The following NIPSNAP2 variants were observed in gnomAD, a reference collection of about 807,000 sequenced individuals.
The protein encoded by NIPSNAP2 is nipsnap homolog 2.
In NIPSNAP2, 42 loss-of-function variants were observed where a neutral mutation model predicts 48.4. That is an observed-to-expected ratio of 0.87 (90% CI 0.68 to 1.12). NIPSNAP2 has a LOEUF of 1.12. Among genes scored for constraint, NIPSNAP2 ranks in the 50% most tolerant of loss-of-function variants. NIPSNAP2 has a pLI of 0.00. For synonymous variants in NIPSNAP2, 158 were observed against 126.6 expected (o/e 1.25, Z -1.67); for missense variants, 314 against 347.3 (o/e 0.90, Z 0.76).
intron 4 of NIPSNAP2, 81 bp downstream of exon 4, chr7:55,981,648 G>T (rs1440538403): frequency 1.2e-6 from 1 of 865,422 alleles, no homozygotes; most frequent in Non-Finnish European, 1.9e-6. Flanking sequence ...TTTAATGCTT[G>T]TTCTTATCAT....
intron 7 of NIPSNAP2, among the ~76,000 whole-genome samples, chr7:55,988,957 T>A (rs1481936862): frequency 1.3e-5 from 2 of 152,206 alleles, no homozygotes; most frequent in African/African-American, 4.8e-5. Flanking sequence ...CTTATATATA[T>A]GTGTATAAGT....
chr7:55,971,108 A>AC (rs1240126667), intron 1 of NIPSNAP2, among the ~76,000 whole-genome samples: 1 of 152,074 alleles, frequency 6.6e-6, no homozygotes, highest in Non-Finnish European at 1.5e-5. Context: ...AGTGCCCCCT[A>AC]CCATCTTGGC....
At chr7:55,965,414 T>C (rs1456552746) in intron 1 of NIPSNAP2, among the ~76,000 whole-genome samples, 2 of 152,286 alleles carry the variant, frequency 1.3e-5, no homozygotes, top group East Asian at 3.9e-4. Flanking sequence ...TTGCATGTGC[T>C]GTTTTCCACA....
In NIPSNAP2 at chr7:55,969,840, G is replaced by A. The variant is rs1786980101; in HGVS notation, c.92+5139G>A. The stretch of plus-strand genomic sequence containing the variant: ...CTACTAAAAATACAAAAAATTAGCC[G>A]GGCGTGGTGGTGGGCGCCTGTAGTC... On this transcript the variant is annotated intron_variant, in intron 1 of 9. Coordinates refer to ENST00000322090, the MANE Select transcript of NIPSNAP2 (RefSeq NM_001483.3). Among the ~76,000 whole-genome samples the A allele has an allele frequency of 2.6e-5, 4 of 151,830 alleles. No homozygotes were observed. In the South Asian group the frequency reaches 6.2e-4, roughly 24 times the overall value.
intron 3 of NIPSNAP2, chr7:55,978,624 C>CTA (rs961001874): frequency 1.4e-5 from 7 of 512,108 alleles, no homozygotes; most frequent in African/African-American, 9.7e-5. Flanking sequence ...AGAATGTTAC[C>CTA]AGACTCTTGT....
intron 1 of NIPSNAP2, among the ~76,000 whole-genome samples, chr7:55,970,925 T>C (rs777350134): frequency 2.0e-5 from 3 of 152,164 alleles, no homozygotes; most frequent in Non-Finnish European, 4.4e-5. Context: ...GCAGTGTATG[T>C]CTAAGTTTAC....
chr7:55,979,458 T>G lies in NIPSNAP2; in HGVS notation c.278+1063T>G, dbSNP rs185450259. The G allele has an allele frequency of 5.4e-4, 121 of 222,254 alleles. 1 individual carries two copies. The highest frequency in any genetic ancestry group is 2.5e-3 in the African/African-American group (111 of 44,174). 13.8% of individuals were successfully genotyped at this position (222,254 alleles called of 1,614,324 possible). A position where few individuals can be genotyped will look rare whatever the true frequency, so the allele number is the denominator to read the frequency against. ...CTTGCTCTTCCAACTTCCCTGTCTG[T>G]GCCACTCACCTTGTTTTACTCAGCC... On this transcript the variant is annotated intron_variant, in intron 3 of 9. Coordinates refer to ENST00000322090, the MANE Select transcript of NIPSNAP2 (RefSeq NM_001483.3).
At chr7:55,978,679 A>G (rs1787152348) in intron 3 of NIPSNAP2, 1 of 366,164 alleles carries the variant, frequency 2.7e-6, no homozygotes, top group Admixed American at 4.4e-5. Context: ...CTACTTATCC[A>G]GTGCTGGAGT....
In NIPSNAP2 at chr7:55,978,357, T is replaced by C. The variant is rs768613413; in HGVS notation, c.240T>C (p.Asn80=). Residue 80 remains asparagine (N), a synonymous_variant, in exon 3 of 10, where the codon AAT becomes AAC. Coordinates refer to ENST00000322090, the MANE Select transcript of NIPSNAP2 (RefSeq NM_001483.3). ...TSNLYKLQFH[N]VKPECLEAYN... is the part of the protein sequence containing the mutation. ...AATTTTCTTTTGTTTCAGTTCACAA[T>C]GTTAAACCGGAATGCCTAGAAGCAT... 1.9e-6 allele frequency: 3 copies of C among 1,613,696 alleles called. No individual in the cohort carries two copies. The highest frequency in any genetic ancestry group is 1.3e-5 in the African/African-American group (1 of 75,034).
chr7:55,998,493 GT>G (rs1164855630), intron 9 of NIPSNAP2, among the ~76,000 whole-genome samples: 29 of 63,196 alleles, frequency 4.6e-4, no homozygotes, highest in East Asian at 1.0e-3. Flanking sequence ...GGTAGGATCT[GT>G]TTTTTTTTTT....
chr7:55,997,588 T>C (rs1787587661), intron 9 of NIPSNAP2, 139 bp downstream of exon 9: 1 of 607,338 alleles, frequency 1.6e-6, no homozygotes, highest in East Asian at 3.0e-5. Flanking sequence ...GGAAGGGAGA[T>C]AGTCAATTTT....
intron 7 of NIPSNAP2, among the ~76,000 whole-genome samples, chr7:55,988,605 A>G (rs1787379119): frequency 6.6e-6 from 1 of 152,150 alleles, no homozygotes; most frequent in Non-Finnish European, 1.5e-5. Context: ...CACGCCTGTA[A>G]TCCCAGCACT....
At chr7:55,972,515 C>T (rs967373311) in intron 1 of NIPSNAP2, among the ~76,000 whole-genome samples, 1 of 151,374 alleles carries the variant, frequency 6.6e-6, no homozygotes, top group Non-Finnish European at 1.5e-5. Context: ...CCACTACACC[C>T]TGCACCTCCC....
rs1463663229 is a variant in NIPSNAP2 at position 55,994,878 on chromosome 7, C to T, written c.618-16C>T. ...CTAATTCAGTGTCTTAAACAAACAT[C>T]ATCTCATTCTTACAGGGCTCGTGCA... On this transcript the variant is annotated splice_polypyrimidine_tract_variant and intron_variant, in intron 7 of 9. Coordinates refer to ENST00000322090, the MANE Select transcript of NIPSNAP2 (RefSeq NM_001483.3). 6.2e-7 allele frequency: 1 copy of T among 1,608,618 alleles called. No homozygotes were observed. Among genetic ancestry groups the T allele is most frequent in the African/African-American group, 1.3e-5 (1 of 74,820 alleles).
At position 55,994,880 on chromosome 7, in the gene NIPSNAP2, T is replaced by C. The variant is rs200908318; in HGVS notation, c.618-14T>C. The C allele has an allele frequency of 5.2e-4, 837 of 1,610,942 alleles. No homozygotes were observed. The highest frequency in any genetic ancestry group is 6.7e-4 in the Non-Finnish European group (786 of 1,177,216). ...AATTCAGTGTCTTAAACAAACATCA[T>C]CTCATTCTTACAGGGCTCGTGCAAT... On this transcript the variant is annotated splice_polypyrimidine_tract_variant and intron_variant, in intron 7 of 9. Transcript: ENST00000322090.
At chr7:55,969,211 C>T (rs1372337307) in intron 1 of NIPSNAP2, among the ~76,000 whole-genome samples, 1 of 152,008 alleles carries the variant, frequency 6.6e-6, no homozygotes, top group African/African-American at 2.4e-5. Flanking sequence ...GGGAACAGGT[C>T]TCTGGAGCAG....
At chr7:55,969,398 C>T (rs1307106253) in intron 1 of NIPSNAP2, among the ~76,000 whole-genome samples, 1 of 152,186 alleles carries the variant, frequency 6.6e-6, no homozygotes, top group East Asian at 1.9e-4. Context: ...TTGGCCTTCA[C>T]TGGTTCTGCT....
intron 1 of NIPSNAP2, among the ~76,000 whole-genome samples, chr7:55,971,171 G>T (rs1277184260): frequency 1.3e-5 from 2 of 152,238 alleles, no homozygotes; most frequent in Admixed American, 6.5e-5. Context: ...TATCATTTGG[G>T]CAGCCGTTGG....
intron 1 of NIPSNAP2, among the ~76,000 whole-genome samples, chr7:55,968,480 G>T (rs1786944023): frequency 6.6e-6 from 1 of 151,668 alleles, no homozygotes; most frequent in South Asian, 2.1e-4. Context: ...CTGCCTCCCG[G>T]GTTCAAGTGA....
Sources: gnomAD v4.1 joint callset for allele counts (sites outside exome capture counted in the v4.1 genomes callset) on GRCh38, gnomAD v4.1.1 for gene constraint, MANE v1.5 for transcripts, NCBI Gene and HGNC (gene_info 2026-07-23, HGNC 2026-07-21) for gene names.